JAM3: variants seen among roughly 807,000 people sequenced by gnomAD.
The protein encoded by JAM3 is junctional adhesion molecule 3.
In JAM3, 31 loss-of-function variants were observed where a neutral mutation model predicts 39.4. The ratio of observed to expected loss-of-function variants is 0.79; its 90% CI spans 0.59 to 1.06. JAM3 has a LOEUF of 1.06. Among genes scored for constraint, JAM3 ranks in the 50% least tolerant of loss-of-function variants. The probability of loss-of-function intolerance (pLI) is 0.00; values close to 1 mark genes in which losing one functional copy is unlikely to be tolerated. For missense variants in JAM3, 455 were observed against 391.4 expected (o/e 1.16, Z -1.37); for synonymous variants, 182 against 148.7 (o/e 1.22, Z -1.63).
At chr11:134,083,073 T>C (rs1348672543) in intron 1 of JAM3, among the ~76,000 whole-genome samples, 1 of 152,236 alleles carries the variant, frequency 6.6e-6, no homozygotes, top group African/African-American at 2.4e-5. Flanking sequence ...AGTTACTCTC[T>C]AGAGGTAGGT....
chr11:134,088,393 AT>A (rs35156043), intron 1 of JAM3, among the ~76,000 whole-genome samples: 50,682 of 148,952 alleles, frequency 0.34, 9,470 homozygotes, highest in African/African-American at 0.52. Flanking sequence ...CTTGGGCAAC[AT>A]TTTTTTTTTT....
In JAM3 at chr11:134,100,163, C is replaced by T. The variant is rs563191634; in HGVS notation, c.76+31004C>T. On this transcript the variant is annotated intron_variant, in intron 1 of 8. Transcript: ENST00000299106. Reference sequence around the variant, plus strand: ...GTACTTTGAGGTGAATCCCCCTTTCCTCCTTAAAAAAAAAATAGTGGTCAG... The same window carrying T: ...GTACTTTGAGGTGAATCCCCCTTTCTTCCTTAAAAAAAAAATAGTGGTCAG... Among the ~76,000 whole-genome samples the T allele has an allele frequency of 1.8e-4, 28 of 151,858 alleles. No homozygotes were observed. In the East Asian group the frequency reaches 5.0e-3, roughly 27 times the overall value.
rs775432417 is a variant in JAM3 at position 134,140,650 on chromosome 11, G to A, written c.143-7G>A. 8.7e-6 allele frequency: 14 copies of A among 1,609,330 alleles called. No homozygotes were observed. Among genetic ancestry groups the A allele is most frequent in the South Asian group, 1.1e-5 (1 of 90,964 alleles). On this transcript the variant is annotated splice_region_variant and splice_polypyrimidine_tract_variant and intron_variant, in intron 2 of 8. Coordinates refer to ENST00000299106, the MANE Select transcript of JAM3 (RefSeq NM_032801.5). ...ACCGAGAGCTCTTTTTCTTCTTTGC[G>A]TGTTAGGTGTGGAACTGTCTTGCAT...
chr11:134,144,659 T>A, intron 4 of JAM3, 133 bp from the exon 5 acceptor site: 1 of 894,366 alleles, frequency 1.1e-6, no homozygotes, highest in East Asian at 2.5e-5. Flanking sequence ...TCTGCAGTTG[T>A]GATCCTGGGA....
chr11:134,119,269 A>T (rs960784462), intron 1 of JAM3, among the ~76,000 whole-genome samples: 1 of 151,854 alleles, frequency 6.6e-6, no homozygotes, highest in Non-Finnish European at 1.5e-5. Context: ...AGAATCAAAT[A>T]GAAAGAAAAG....
intron 1 of JAM3, among the ~76,000 whole-genome samples, chr11:134,101,252 C>T (rs1234945505): frequency 2.0e-5 from 3 of 152,192 alleles, no homozygotes; most frequent in African/African-American, 7.2e-5. Flanking sequence ...TAGAATGGTA[C>T]TGTCATTGAA....
In JAM3 at chr11:134,141,627, AC is replaced by A. The variant is rs1283536684; in HGVS notation, c.256+858del. Among the ~76,000 whole-genome samples, 6 of 152,226 alleles carry A rather than the reference AC, an allele frequency of 3.9e-5. No individual in the cohort carries two copies. In the East Asian group the frequency reaches 1.2e-3, roughly 30 times the overall value. The stretch of plus-strand genomic sequence containing the variant: ...CTGTAGAGAAGAGATTGGAGGCGGC[AC>A]AACTCAGAGCAGAGGCCCAAGTCAG... On this transcript the variant is annotated intron_variant, in intron 3 of 8. Coordinates refer to ENST00000299106, the MANE Select transcript of JAM3 (RefSeq NM_032801.5).
intron 1 of JAM3, among the ~76,000 whole-genome samples, chr11:134,092,091 G>A (rs1031955414): frequency 2.6e-5 from 4 of 151,992 alleles, no homozygotes; most frequent in Admixed American, 6.6e-5. Flanking sequence ...TGTTGCTCTT[G>A]GTGCAAAGCC....
At chr11:134,148,210 T>A in intron 6 of JAM3, 1 of 343,386 alleles carries the variant, frequency 2.9e-6, no homozygotes, top group Admixed American at 4.5e-5. Context: ...GCTCCTAATC[T>A]TGTCCTCATA....
rs773629908 is a variant in JAM3 at position 134,144,443 on chromosome 11, T to A, written c.409+50T>A. The A allele has an allele frequency of 2.1e-5, 33 of 1,599,922 alleles. No individual in the cohort carries two copies. The Admixed American group carries it at 5.3e-4, about 26-fold the overall frequency. On this transcript the variant is annotated intron_variant, in intron 4 of 8. Transcript: ENST00000299106. ...CATTGCCACCATAGGATGCAAGAGATCAGTTAGTGTCTTGGTTTCTTTCCT... is the reference window on the plus strand; with the variant it reads ...CATTGCCACCATAGGATGCAAGAGAACAGTTAGTGTCTTGGTTTCTTTCCT...
intron 1 of JAM3, among the ~76,000 whole-genome samples, chr11:134,074,267 C>G (rs1941529173): frequency 6.6e-6 from 1 of 152,084 alleles, no homozygotes; most frequent in Admixed American, 6.5e-5. Context: ...CTGGTTGATT[C>G]TTGTATTCCT....
chr11:134,113,539 T>C (rs1344655157), intron 1 of JAM3, among the ~76,000 whole-genome samples: 1 of 152,228 alleles, frequency 6.6e-6, no homozygotes, highest in Non-Finnish European at 1.5e-5. Context: ...CTTTTATGGC[T>C]GCATAGTATT....
chr11:134,113,002 C>T (rs1942347186), intron 1 of JAM3, among the ~76,000 whole-genome samples: 1 of 152,176 alleles, frequency 6.6e-6, no homozygotes, highest in Non-Finnish European at 1.5e-5. Flanking sequence ...ATCAACAGAG[C>T]ACTCCAGTCC....
chr11:134,142,941 T>G (rs1464358067), intron 3 of JAM3, among the ~76,000 whole-genome samples: 1 of 152,236 alleles, frequency 6.6e-6, no homozygotes, highest in African/African-American at 2.4e-5. Flanking sequence ...TTCATTTCTT[T>G]TCACGGCTGA....
intron 1 of JAM3, among the ~76,000 whole-genome samples, chr11:134,124,569 T>C (rs1183499639): frequency 6.6e-6 from 1 of 152,216 alleles, no homozygotes; most frequent in East Asian, 1.9e-4. Context: ...TGCAGATGGA[T>C]ACCTTCGGAC....
chr11:134,126,023 C>T (rs1425423690), intron 1 of JAM3, among the ~76,000 whole-genome samples: 1 of 152,172 alleles, frequency 6.6e-6, no homozygotes, highest in Non-Finnish European at 1.5e-5. Flanking sequence ...GTCCTTCTCT[C>T]TCTGCACACT....
At chr11:134,110,709 G>T (rs1160749514) in intron 1 of JAM3, among the ~76,000 whole-genome samples, 1 of 128,552 alleles carries the variant, frequency 7.8e-6, no homozygotes, top group African/African-American at 3.9e-5. Flanking sequence ...AGGGTGGTGG[G>T]TAGGTCGGCT....
chr11:134,097,206 T>C (rs1941999475), intron 1 of JAM3, among the ~76,000 whole-genome samples: 1 of 152,230 alleles, frequency 6.6e-6, no homozygotes, highest in African/African-American at 2.4e-5. Flanking sequence ...GATTACTCTT[T>C]ACCATCCTCT....
At chr11:134,127,237 G>C (rs866041634) in intron 1 of JAM3, among the ~76,000 whole-genome samples, 6 of 152,128 alleles carry the variant, frequency 3.9e-5, no homozygotes, top group Non-Finnish European at 7.3e-5. Context: ...CCACATCATC[G>C]GTTGTAAATT....
Sources: allele counts gnomAD v4.1 joint callset (sites outside exome capture counted in the v4.1 genomes callset), GRCh38; gene constraint gnomAD v4.1.1; transcripts MANE v1.5; gene names NCBI Gene and HGNC (gene_info 2026-07-23, HGNC 2026-07-21).